TTN: variants seen among roughly 807,000 people sequenced by gnomAD.
TTN encodes titin.
Under a neutral mutation model 3,223.0 loss-of-function variants are expected in TTN, and 1,525 were observed. The observed-to-expected ratio is 0.47, with a 90% CI of 0.45 to 0.49. TTN has a LOEUF of 0.49. Among genes scored for constraint, TTN ranks in the 20% least tolerant of loss-of-function variants. TTN has a pLI of 0.00. For synonymous variants in TTN, 14,094 were observed against 15,161.0 expected, an observed-to-expected ratio of 0.93 and a Z score of 5.17; for missense variants, 40,786 against 43,424.0, an observed-to-expected ratio of 0.94 and a Z score of 5.40.
At position 178,543,935 on chromosome 2, in the gene TTN, A is replaced by T. The variant is rs748827491; in HGVS notation, c.96209T>A (p.Leu32070Gln). The change falls in exon 346 of 363, where the codon CTA (leucine) becomes CAA (glutamine). Residue 32070 changes from leucine to glutamine, a missense_variant. By Grantham distance (113) the Leu-to-Gln change is moderately radical. Coordinates refer to ENST00000589042, the MANE Select transcript of TTN (RefSeq NM_001267550.2). ...IIDTTESYSLLIVDKVNRYDA... is the reference protein window; with the variant it reads ...IIDTTESYSLQIVDKVNRYDA... Reference sequence around the variant, plus strand: ...GTACCGATTAACTTTGTCCACTATTAGCAATGAGTAGCTCTCAGTGGTGTC... The same window carrying T: ...GTACCGATTAACTTTGTCCACTATTTGCAATGAGTAGCTCTCAGTGGTGTC... The T allele has an allele frequency of 1.2e-6, 2 of 1,613,762 alleles. No homozygotes were observed. Among genetic ancestry groups the T allele is most frequent in the Non-Finnish European group, 1.7e-6 (2 of 1,179,722 alleles).
chr2:178,551,718 A>T lies in TTN; in HGVS notation c.91182T>A (p.Asp30394Glu). The change falls in exon 335 of 363, where the codon GAT becomes GAA. Residue 30394 changes from aspartate (D) to glutamate (E), a missense_variant. Physicochemically the swap from Asp to Glu is conservative, Grantham distance 45. Coordinates refer to ENST00000589042, the MANE Select transcript of TTN (RefSeq NM_001267550.2). ...TTTCAGCATATACACGGAATTGGTAATCCAGACCTTCTACCAGTCCAGTGG... is the reference window on the plus strand; with the variant it reads ...TTTCAGCATATACACGGAATTGGTATTCCAGACCTTCTACCAGTCCAGTGG... ...YRATGLVEGL[D>E]YQFRVYAENS... The T allele has an allele frequency of 6.2e-7, 1 of 1,613,774 alleles. No homozygotes were observed. Among genetic ancestry groups the T allele is most frequent in the Non-Finnish European group, 8.5e-7 (1 of 1,179,750 alleles).
Position 178,678,756 on chromosome 2 carries a change from G to A in TTN, c.33817C>T (p.Pro11273Ser), listed in dbSNP as rs780335863. 1.2e-6 allele frequency: 2 copies of A among 1,601,676 alleles called. No homozygotes were observed. The highest frequency in any genetic ancestry group is 3.5e-5 in the Admixed American group (2 of 57,476). Residue 11273 changes from proline to serine, a missense_variant, in exon 143 of 363, where the codon CCT becomes TCT. Physicochemically the swap from Pro to Ser is moderately conservative, Grantham distance 74 (BLOSUM62 -1). Coordinates refer to ENST00000589042, the MANE Select transcript of TTN (RefSeq NM_001267550.2). ...VPVPKKVEAP[P>S]AKVPEVPKKP... ...TTGCAAGTTCATGTACCTTTGGCAGGTGGAGCTTCCACCTTTTTAGGAACT... is the reference window on the plus strand; with the variant it reads ...TTGCAAGTTCATGTACCTTTGGCAGATGGAGCTTCCACCTTTTTAGGAACT...
chr2:178,737,796 A>T (rs1262332905), intron 49 of TTN: 2 of 281,802 alleles, frequency 7.1e-6, no homozygotes, highest in Non-Finnish European at 6.5e-6. Flanking sequence ...GTGGCACCAA[A>T]CTGTCCTGAT....
Position 178,725,532 on chromosome 2 carries a change from T to C in TTN, c.20672A>G (p.Lys6891Arg). The C allele has an allele frequency of 1.2e-6, 2 of 1,613,236 alleles. No homozygotes were observed. The highest frequency in any genetic ancestry group is 1.7e-6 in the Non-Finnish European group (2 of 1,179,456). The change falls in exon 71 of 363, where the codon AAG becomes AGG. Residue 6891 changes from lysine (K) to arginine (R), a missense_variant. Transcript: ENST00000589042. ...TTCACTTTCTCTAATCACTTCTTCC[T>C]TCTCTTTAAGCCACTGGACAAAAAT... ...QPIFVQWLKE[K>R]EEVIRESENI...
chr2:178,621,398 A>C, intron 245 of TTN, 30 bp from the exon 246 acceptor site: 1 of 1,606,578 alleles, frequency 6.2e-7, no homozygotes, highest in South Asian at 1.1e-5. Flanking sequence ...AGATATTAGA[A>C]ACATATGTCT....
Position 178,560,448 on chromosome 2 carries a change from C to T in TTN, c.85684G>A (p.Val28562Met). The T allele has an allele frequency of 6.2e-7, 1 of 1,613,490 alleles. No homozygotes were observed. Among genetic ancestry groups the T allele is most frequent in the East Asian group, 2.2e-5 (1 of 44,794 alleles). The change falls in exon 326 of 363, where the codon GTG (valine) becomes ATG (methionine). Residue 28562 changes from valine to methionine, a missense_variant. Val to Met is a conservative substitution (Grantham distance 21). Coordinates refer to ENST00000589042, the MANE Select transcript of TTN (RefSeq NM_001267550.2). ...SPPTSLEITSVTKESMTLCWS... is the reference protein window; with the variant it reads ...SPPTSLEITSMTKESMTLCWS... ...CAAAGTGTCATAGATTCTTTGGTCA[C>T]AGAAGTAATTTCCAAAGACGTGGGT... is the stretch of plus-strand genomic sequence containing the variant.
chr2:178,609,923 G>A lies in TTN; in HGVS notation c.51500C>T (p.Thr17167Ile), dbSNP rs749322226. 11 of 1,612,810 alleles carry A rather than the reference G, an allele frequency of 6.8e-6. No individual in the cohort carries two copies. In the African/African-American group the frequency reaches 1.5e-4, roughly 22 times the overall value. The part of the protein sequence containing the change: ...HNPTAEAMTI[T>I]WKPPLYDGGS... Reference sequence around the variant, plus strand: ...TCCATCATACAAAGGTGGCTTCCATGTAATAGTCATTGCCTCCGCTGTAGG... The same window carrying A: ...TCCATCATACAAAGGTGGCTTCCATATAATAGTCATTGCCTCCGCTGTAGG... The change falls in exon 272 of 363, where the codon ACA becomes ATA. Residue 17167 changes from threonine (T) to isoleucine (I), a missense_variant. Physicochemically the swap from Thr to Ile is moderately conservative, Grantham distance 89. Transcript: ENST00000589042.
chr2:178,728,753 A>G lies in TTN; in HGVS notation c.19173T>C (p.Ala6391=), dbSNP rs1259684968. The change falls in exon 66 of 363, where the codon GCT becomes GCC. Residue 6391 remains alanine, a synonymous_variant. Coordinates refer to ENST00000589042, the MANE Select transcript of TTN (RefSeq NM_001267550.2). ...VQEPAQIVEK[A]KSVDVTEKDP... Reference sequence around the variant, plus strand: ...CTTTCTCCGTAACATCAACTGATTTAGCTTTCTCTACGATTTGAGCTGGTT... The same window carrying G: ...CTTTCTCCGTAACATCAACTGATTTGGCTTTCTCTACGATTTGAGCTGGTT... 6.2e-7 allele frequency: 1 copy of G among 1,602,956 alleles called. No homozygotes were observed. Among genetic ancestry groups the G allele is most frequent in the African/African-American group, 1.3e-5 (1 of 74,740 alleles).
Position 178,784,056 on chromosome 2 carries a change from A to T in TTN, c.2775+14T>A. The T allele has an allele frequency of 6.2e-7, 1 of 1,612,372 alleles. No homozygotes were observed. The highest frequency in any genetic ancestry group is 8.5e-7 in the Non-Finnish European group (1 of 1,179,884). ...GGGAGTGGACCATGTAACAGCGGGT[A>T]ACCAGTGACCAACCTTGGCTTCGCG... is the stretch of plus-strand genomic sequence containing the variant. On this transcript the variant is annotated intron_variant, in intron 16 of 362. Transcript: ENST00000589042.
chr2:178,530,266 G>A lies in TTN; in HGVS notation c.106349C>T (p.Thr35450Ile), dbSNP rs371022420. The A allele has an allele frequency of 1.2e-6, 2 of 1,605,462 alleles. No homozygotes were observed. The highest frequency in any genetic ancestry group is 3.4e-5 in the Admixed American group (2 of 59,080). Reference protein sequence around the residue: ...AVKATGEPRPTAIWTKDGKAI... With the variant: ...AVKATGEPRPIAIWTKDGKAI... ...CTTTCCATCTTTTGTCCAGATGGCA[G>A]TTGGCCGGGGTTCTCCAGTAGCCTT... The change falls in exon 358 of 363, where the codon ACT becomes ATT. Residue 35450 changes from threonine (T) to isoleucine (I), a missense_variant. Coordinates refer to ENST00000589042, the MANE Select transcript of TTN (RefSeq NM_001267550.2).
rs547036860 is a variant in TTN, at chr2:178,708,876, G to A, written c.28753+690C>T. Among the ~76,000 whole-genome samples the A allele has an allele frequency of 2.0e-3, 300 of 152,246 alleles. 1 individual carries two copies. The Middle Eastern group carries it at 0.041, about 21-fold the overall frequency. ...CTGCTCTAGGAGGTTAGTTTTTAAT[G>A]TGATTTTGATGAAGCTATGTTGTAA... is the stretch of plus-strand genomic sequence containing the variant. On this transcript the variant is annotated intron_variant, in intron 99 of 362. Transcript: ENST00000589042.
chr2:178,681,561 C>T lies in TTN; in HGVS notation c.33172+100G>A, dbSNP rs1309390882. ...ACAACATAATATTCCCAAACACACA[C>T]ATAATTTGTACACTGCCACTTTTAC... is the stretch of plus-strand genomic sequence containing the variant. On this transcript the variant is annotated intron_variant, in intron 136 of 362. Transcript: ENST00000589042. 5.5e-6 allele frequency: 8 copies of T among 1,461,960 alleles called. No individual in the cohort carries two copies. In the East Asian group the frequency reaches 1.6e-4, roughly 29 times the overall value. The allele number at this position is 1,461,960 out of a possible 1,614,324, so 90.6% of individuals were successfully genotyped here.
At position 178,567,492 on chromosome 2, in the gene TTN, C is replaced by T. The variant is rs944710014; in HGVS notation, c.78640G>A (p.Glu26214Lys). 4.3e-6 allele frequency: 7 copies of T among 1,612,984 alleles called. No homozygotes were observed. The African/African-American group carries it at 8.0e-5, about 18-fold the overall frequency. ...AGGGGCTTTCCATGGACATCAGCCT[C>T]AAGTCTGAATGTTTCTCCAGCATTT... ...VVNAGETFRLEADVHGKPLPT... is the reference protein window; with the variant it reads ...VVNAGETFRLKADVHGKPLPT... The change falls in exon 326 of 363, where the codon GAG becomes AAG. Residue 26214 changes from glutamate to lysine, a missense_variant. Coordinates refer to ENST00000589042, the MANE Select transcript of TTN (RefSeq NM_001267550.2).
Position 178,573,463 on chromosome 2 carries a change from A to T in TTN, c.72669T>A (p.Pro24223=). 1 of 1,515,734 alleles carries T rather than the reference A, an allele frequency of 6.6e-7. No individual in the cohort carries two copies. The highest frequency in any genetic ancestry group is 1.4e-5 in the African/African-American group (1 of 71,744). The allele number at this position is 1,515,734 out of a possible 1,614,324, so 93.9% of individuals were successfully genotyped here. A position where few individuals can be genotyped will look rare whatever the true frequency, so the allele number is the denominator to read the frequency against. ...TCACTTCAGGGTTTTTGGGCGGATCAGGGGGTCCATAAGGATTCACTGCAA... is the reference window on the plus strand; with the variant it reads ...TCACTTCAGGGTTTTTGGGCGGATCTGGGGGTCCATAAGGATTCACTGCAA... ...PVLAVNPYGP[P]DPPKNPEVTT... is the part of the protein sequence containing the mutation. The change falls in exon 326 of 363, where the codon CCT becomes CCA. Residue 24223 remains proline, a synonymous_variant. Transcript: ENST00000589042.
chr2:178,733,471 T>A lies in TTN; in HGVS notation c.15822A>T (p.Ala5274=), dbSNP rs779456916. The part of the protein sequence containing the change: ...IERAELIQVT[A]GDPATLEYTV... ...TGTACTCCAGTGTGGCGGGATCTCCTGCTGTCACCTGGATCAGTTCTGCTC... is the reference window on the plus strand; with the variant it reads ...TGTACTCCAGTGTGGCGGGATCTCCAGCTGTCACCTGGATCAGTTCTGCTC... Residue 5274 remains alanine (A), a synonymous_variant, in exon 54 of 363, where the codon GCA becomes GCT. Coordinates refer to ENST00000589042, the MANE Select transcript of TTN (RefSeq NM_001267550.2). The A allele has an allele frequency of 6.2e-6, 10 of 1,613,642 alleles. No homozygotes were observed. In the African/African-American group the frequency reaches 1.2e-4, roughly 19 times the overall value.
In TTN at chr2:178,607,228, C is replaced by T; in HGVS notation, c.53374G>A (p.Gly17792Arg). The change falls in exon 278 of 363, where the codon GGA becomes AGA. Residue 17792 changes from glycine to arginine, a missense_variant. Physicochemically the swap from Gly to Arg is moderately radical, Grantham distance 125 (BLOSUM62 -2). Coordinates refer to ENST00000589042, the MANE Select transcript of TTN (RefSeq NM_001267550.2). ...ATAAAGCCTGTTATTTCACTTCCTC[C>T]ATCATCTTCTGGATCAGACCAGTTA... ...LLNWSDPEDDGGSEITGFIIE... is the reference protein window; with the variant it reads ...LLNWSDPEDDRGSEITGFIIE... 2 of 1,612,948 alleles carry T rather than the reference C, an allele frequency of 1.2e-6. No individual in the cohort carries two copies. The highest frequency in any genetic ancestry group is 1.7e-6 in the Non-Finnish European group (2 of 1,179,296).
intron 47 of TTN, chr2:178,747,348 T>C (rs2083955723): frequency 5.6e-6 from 9 of 1,613,168 alleles, no homozygotes; most frequent in Non-Finnish European, 7.6e-6. Flanking sequence ...CCTGAATGTA[T>C]TGAGGATTGT....
intron 47 of TTN, chr2:178,748,118 C>A (rs764591972): frequency 5.0e-6 from 8 of 1,613,088 alleles, no homozygotes; most frequent in Admixed American, 1.7e-5. Flanking sequence ...TGAGATGGAA[C>A]TTCTGCCTCC....
rs1057521315 is a variant in TTN at position 178,633,938 on chromosome 2, T to G, written c.42561A>C (p.Val14187=). The G allele has an allele frequency of 1.1e-5, 18 of 1,613,228 alleles. No individual in the cohort carries two copies. Among genetic ancestry groups the G allele is most frequent in the Non-Finnish European group, 1.5e-5 (18 of 1,179,560 alleles). Residue 14187 remains valine, a synonymous_variant, in exon 231 of 363, where the codon GTA becomes GTC. Coordinates refer to ENST00000589042, the MANE Select transcript of TTN (RefSeq NM_001267550.2). ...NDAKLHTSRT[V]LISSEGKTHK... ...GAGTCTTGCCCTCAGAAGAGATGAG[T>G]ACTGTTCTGCTTGTATGGAGTTTGG...
Sources: gnomAD v4.1 joint callset for allele counts (sites outside exome capture counted in the v4.1 genomes callset) on GRCh38, gnomAD v4.1.1 for gene constraint, MANE v1.5 for transcripts, NCBI Gene and HGNC (gene_info 2026-07-23, HGNC 2026-07-21) for gene names.